Variants in DOCK3 observed in about 807,000 individuals in gnomAD.
DOCK3 encodes the protein dedicator of cytokinesis 3.
A neutral mutation model predicts 265.6 loss-of-function variants in DOCK3; 60 were observed. The observed-to-expected ratio is 0.23, with a 90% CI of 0.18 to 0.28. The LOEUF (loss-of-function observed/expected upper bound fraction) is 0.28. DOCK3 is among the 10% of genes least tolerant of loss of function. The pLI is 1.00. For missense variants in DOCK3, 1,981 were observed against 2,594.3 expected (o/e 0.76, Z 5.14); for synonymous variants, 881 against 938.0 (o/e 0.94, Z 1.11).
intron 7 of DOCK3, among the ~76,000 whole-genome samples, chr3:51,076,023 A>G (rs2082043573): frequency 6.6e-6 from 1 of 152,100 alleles, no homozygotes; most frequent in Non-Finnish European, 1.5e-5. Context: ...CTGGATAAAA[A>G]CTCATCTTGA....
chr3:51,001,325 T>C (rs1248810651), intron 5 of DOCK3, among the ~76,000 whole-genome samples: 1 of 152,182 alleles, frequency 6.6e-6, no homozygotes, highest in Non-Finnish European at 1.5e-5. Flanking sequence ...AGCTGGGACA[T>C]TGGTTTTTTC....
chr3:51,062,494 A>C (rs1202832346), intron 5 of DOCK3, among the ~76,000 whole-genome samples: 1 of 152,118 alleles, frequency 6.6e-6, no homozygotes, highest in Non-Finnish European at 1.5e-5. Flanking sequence ...TCTTTCCCTG[A>C]CCACTCCACC....
At position 51,381,280 on chromosome 3, in the gene DOCK3, C is replaced by A. The variant is rs2088616036; in HGVS notation, c.5814C>A (p.Ser1938Arg). The change falls in exon 53 of 53, where the codon AGC (serine) becomes AGA (arginine). Residue 1938 changes from serine (S) to arginine (R), a missense_variant. Transcript: ENST00000266037. This position sits in a 1 kb window ranked among gnomAD's most constrained non-coding sequence, Gnocchi z 5.6. The stretch of plus-strand genomic sequence containing the variant: ...CACCCTACCTCCCTGTCCACTACAG[C>A]CTCTCTGAGTCTGCCGTCCTGGACT... Reference protein sequence around the residue: ...LEPPYLPVHYSLSESAVLDSI... With the variant: ...LEPPYLPVHYRLSESAVLDSI... 1 of 1,613,836 alleles carries A rather than the reference C, an allele frequency of 6.2e-7. No homozygotes were observed. Among genetic ancestry groups the A allele is most frequent in the Non-Finnish European group, 8.5e-7 (1 of 1,179,886 alleles).
chr3:51,362,500 A>G (rs760009836), intron 48 of DOCK3, 27 bp from the exon 49 acceptor site: 31 of 1,610,188 alleles, frequency 1.9e-5, no homozygotes, highest in Non-Finnish European at 2.6e-5. Flanking sequence ...TCAGACCTCT[A>G]TCCTGCTGAT....
Position 51,049,351 on chromosome 3 carries a change from G to T in DOCK3, c.316-15097G>T, listed in dbSNP as rs924675735. On this transcript the variant is annotated intron_variant, in intron 5 of 52. Transcript: ENST00000266037. ...AGAAAGAAAGAAAGAAAGAAAGAAAGAAAAAGAAGATTACTTACAGTGTAT... is the reference window on the plus strand; with the variant it reads ...AGAAAGAAAGAAAGAAAGAAAGAAATAAAAAGAAGATTACTTACAGTGTAT... Among the ~76,000 whole-genome samples the T allele has an allele frequency of 4.0e-5, 5 of 124,632 alleles. No individual in the cohort carries two copies. The South Asian group carries it at 1.3e-3, about 33-fold the overall frequency. 81.8% of individuals were successfully genotyped at this position (124,632 alleles called of 152,430 possible). A position where few individuals can be genotyped will look rare whatever the true frequency, so the allele number is the denominator to read the frequency against.
intron 27 of DOCK3, among the ~76,000 whole-genome samples, chr3:51,281,514 C>A (rs2081116457): frequency 6.6e-6 from 1 of 151,960 alleles, no homozygotes; most frequent in Non-Finnish European, 1.5e-5. Flanking sequence ...CTCTTGCTAT[C>A]ATCTTTCTAA....
intron 2 of DOCK3, among the ~76,000 whole-genome samples, chr3:50,817,864 G>A (rs1164242079): frequency 6.6e-6 from 1 of 152,128 alleles, no homozygotes; most frequent in African/African-American, 2.4e-5. Context: ...ACTAGTACTT[G>A]ATTAGCTACC....
At chr3:51,080,900 G>A (rs1030447215) in intron 7 of DOCK3, among the ~76,000 whole-genome samples, 2 of 150,600 alleles carry the variant, frequency 1.3e-5, no homozygotes, top group Non-Finnish European at 3.0e-5. Flanking sequence ...TTGAATGCTT[G>A]AATTTTTTTT....
chr3:51,111,717 G>A (rs183584879), intron 9 of DOCK3, among the ~76,000 whole-genome samples: 276 of 152,186 alleles, frequency 1.8e-3, no homozygotes, highest in Non-Finnish European at 2.6e-3. Flanking sequence ...TTGACAAATG[G>A]GATCTATTTA....
Position 51,188,068 on chromosome 3 carries a change from G to A in DOCK3, c.1038-20706G>A, listed in dbSNP as rs781565687. ...AAGAGCTAGACTCAGGATGAACAAC[G>A]GAGCCTTCCTTTCTTTATCTGTTCC... On this transcript the variant is annotated intron_variant, in intron 12 of 52. Transcript: ENST00000266037. Among the ~76,000 whole-genome samples the A allele has an allele frequency of 5.3e-5, 8 of 152,242 alleles. No homozygotes were observed. In the East Asian group the frequency reaches 7.7e-4, roughly 15 times the overall value.
chr3:50,802,117 A>G (rs1244517584), intron 2 of DOCK3, among the ~76,000 whole-genome samples: 1 of 152,130 alleles, frequency 6.6e-6, no homozygotes, highest in Non-Finnish European at 1.5e-5. Flanking sequence ...TAGGCAGTAT[A>G]TCATAGGGTC....
intron 22 of DOCK3, among the ~76,000 whole-genome samples, chr3:51,252,293 C>T (rs1287926036): frequency 4.6e-5 from 7 of 152,132 alleles, no homozygotes; most frequent in African/African-American, 7.2e-5. Flanking sequence ...AGTCAGGTAG[C>T]GTGATGCCTC....
chr3:50,770,057 G>T (rs996526449), intron 1 of DOCK3, among the ~76,000 whole-genome samples: 2 of 152,050 alleles, frequency 1.3e-5, no homozygotes, highest in African/African-American at 4.8e-5. Context: ...GGACAAGGAT[G>T]CCCACTTTCA....
chr3:51,299,613 C>T (rs1020872278), intron 27 of DOCK3, among the ~76,000 whole-genome samples: 5 of 152,116 alleles, frequency 3.3e-5, no homozygotes, highest in African/African-American at 1.2e-4. Context: ...AGGAAGGTGT[C>T]CAGCTTCAAT....
intron 9 of DOCK3, among the ~76,000 whole-genome samples, chr3:51,130,438 T>A (rs1189180242): frequency 1.3e-5 from 2 of 152,246 alleles, no homozygotes; most frequent in African/African-American, 4.8e-5. Context: ...GCAGAGTCAG[T>A]GGCTGCATAC....
intron 1 of DOCK3, among the ~76,000 whole-genome samples, chr3:50,707,476 A>T (rs547031740): frequency 1.3e-5 from 2 of 151,648 alleles, no homozygotes; most frequent in East Asian, 1.9e-4. Flanking sequence ...GTATTTCTTC[A>T]TAGGAATGCA....
chr3:51,275,240 C>T (rs941473034), intron 25 of DOCK3, 34 bp downstream of exon 25: 2 of 1,612,672 alleles, frequency 1.2e-6, no homozygotes, highest in African/African-American at 2.7e-5. Flanking sequence ...CCCTGTTCAG[C>T]TCTTCCCTAG....
At chr3:50,828,236 T>G (rs765444051) in intron 2 of DOCK3, among the ~76,000 whole-genome samples, 2 of 151,434 alleles carry the variant, frequency 1.3e-5, no homozygotes, top group Non-Finnish European at 2.9e-5. Context: ...CCAGAAAACA[T>G]GCACTCTTAT....
chr3:50,752,514 A>G (rs1274413238), intron 1 of DOCK3, among the ~76,000 whole-genome samples: 1 of 40,558 alleles, frequency 2.5e-5, no homozygotes. Flanking sequence ...TCTCAAAAAA[A>G]AAAAAAAAAC....
Sources: allele counts gnomAD v4.1 joint callset (sites outside exome capture counted in the v4.1 genomes callset), GRCh38; gene constraint gnomAD v4.1.1; non-coding constraint Gnocchi (gnomAD v3.1); transcripts MANE v1.5; gene names NCBI Gene and HGNC (gene_info 2026-07-23, HGNC 2026-07-21).